Variants in GABRG3 observed in about 807,000 individuals in gnomAD.
GABRG3 encodes gamma-aminobutyric acid type A receptor subunit gamma3.
In GABRG3, 25 loss-of-function variants were observed where a neutral mutation model predicts 48.8. The observed-to-expected ratio is 0.51, with a 90% CI of 0.37 to 0.72. The LOEUF (loss-of-function observed/expected upper bound fraction) is 0.72, where lower values mean the gene tolerates loss of function less well. GABRG3 is among the 30% of genes least tolerant of loss of function. The pLI is 0.00. For missense variants in GABRG3, 394 were observed against 577.9 expected (o/e 0.68, Z 3.26); for synonymous variants, 227 against 217.6 (o/e 1.04, Z -0.38).
chr15:27,026,685 G>A, intron 2 of GABRG3, 69 bp from the exon 3 acceptor site: 1 of 1,101,658 alleles, frequency 9.1e-7, no homozygotes, highest in South Asian at 1.5e-5. Flanking sequence ...GAGACTTTAG[G>A]ACTTGAATGT....
intron 5 of GABRG3, among the ~76,000 whole-genome samples, chr15:27,420,907 G>A (rs1453665153): frequency 6.6e-6 from 1 of 152,210 alleles, no homozygotes; most frequent in Non-Finnish European, 1.5e-5. Flanking sequence ...TGTGCTCGGG[G>A]CTTGTGGATA....
At chr15:27,406,058 G>C (rs531401609) in intron 5 of GABRG3, among the ~76,000 whole-genome samples, 143 of 152,262 alleles carry the variant, frequency 9.4e-4, no homozygotes, top group African/African-American at 3.3e-3. Flanking sequence ...ATGAGAAGCT[G>C]AGGCAGGAGG....
At chr15:27,324,908 A>G (rs995808686) in intron 3 of GABRG3, among the ~76,000 whole-genome samples, 3 of 142,524 alleles carry the variant, frequency 2.1e-5, no homozygotes, top group African/African-American at 5.7e-5. Context: ...CTTGAGCCAT[A>G]TTTGCATAAT....
chr15:27,387,354 A>G (rs768291756), intron 5 of GABRG3, among the ~76,000 whole-genome samples: 1 of 152,128 alleles, frequency 6.6e-6, no homozygotes, highest in Non-Finnish European at 1.5e-5. Flanking sequence ...TTAGCAAGAA[A>G]TAAATGGGTT....
chr15:27,459,023 C>T (rs529982973), intron 5 of GABRG3, among the ~76,000 whole-genome samples: 14 of 152,188 alleles, frequency 9.2e-5, no homozygotes, highest in African/African-American at 1.4e-4. Flanking sequence ...GTCTTCTCTT[C>T]GATTCTTCCA....
At chr15:27,044,566 T>C (rs1395257197) in intron 3 of GABRG3, among the ~76,000 whole-genome samples, 1 of 152,226 alleles carries the variant, frequency 6.6e-6, no homozygotes, top group African/African-American at 2.4e-5. Flanking sequence ...AACCTTTTAA[T>C]ACATAATGAT....
chr15:27,203,258 C>T (rs932302570), intron 3 of GABRG3, among the ~76,000 whole-genome samples: 13 of 152,140 alleles, frequency 8.5e-5, no homozygotes, highest in African/African-American at 2.7e-4. Flanking sequence ...CATGTGTACT[C>T]GATGTTTAGC....
intron 3 of GABRG3, among the ~76,000 whole-genome samples, chr15:27,146,157 A>G (rs986973003): frequency 6.6e-6 from 1 of 152,138 alleles, no homozygotes; most frequent in Non-Finnish European, 1.5e-5. Flanking sequence ...ACTCAAATCT[A>G]CGTTAAGAAA....
At position 27,180,660 on chromosome 15, in the gene GABRG3, T is replaced by C. The variant is rs184269761; in HGVS notation, c.271-146149T>C. 1.0e-3 allele frequency among the ~76,000 whole-genome samples: 156 copies of C among 152,290 alleles called. No individual in the cohort carries two copies. Among genetic ancestry groups the C allele is most frequent in the African/African-American group, 3.2e-3 (134 of 41,568 alleles). On this transcript the variant is annotated intron_variant, in intron 3 of 9. Coordinates refer to ENST00000615808, the MANE Select transcript of GABRG3 (RefSeq NM_033223.5). This position sits in a 1 kb window ranked among gnomAD's most constrained non-coding sequence, Gnocchi z 4.2. ...GTGTGTGTCTGTCTGTGTGTGTTTG[T>C]GTGTGCACGCGCGCGCACCCCAGGT...
At chr15:27,164,205 G>C (rs1423640699) in intron 3 of GABRG3, among the ~76,000 whole-genome samples, 1 of 151,962 alleles carries the variant, frequency 6.6e-6, no homozygotes, top group Non-Finnish European at 1.5e-5. Flanking sequence ...CACATTTACT[G>C]TCTCTCCAAA....
rs146565488 is a variant in GABRG3 at position 27,121,435 on chromosome 15, A to G, written c.270+94614A>G. ...ATACCACCCTGGTTCCATCATGTCT[A>G]ATTTCCCTTTGAGCAGATGGCACCT... On this transcript the variant is annotated intron_variant, in intron 3 of 9. Coordinates refer to ENST00000615808, the MANE Select transcript of GABRG3 (RefSeq NM_033223.5). Among the ~76,000 whole-genome samples the G allele has an allele frequency of 3.0e-4, 45 of 152,310 alleles. No individual in the cohort carries two copies. In the East Asian group the frequency reaches 6.6e-3, roughly 22 times the overall value.
intron 3 of GABRG3, among the ~76,000 whole-genome samples, chr15:27,252,698 C>T (rs1890498254): frequency 6.6e-6 from 1 of 152,206 alleles, no homozygotes; most frequent in Non-Finnish European, 1.5e-5. Flanking sequence ...CACCTCCCAC[C>T]TGCAGGTCTG....
chr15:27,048,419 C>T (rs1463720852), intron 3 of GABRG3, among the ~76,000 whole-genome samples: 2 of 152,084 alleles, frequency 1.3e-5, no homozygotes, highest in Admixed American at 6.5e-5. Context: ...TTCATCTGGC[C>T]CCGGCAGCAG....
At chr15:27,020,456 G>A (rs971836730) in intron 2 of GABRG3, among the ~76,000 whole-genome samples, 4 of 152,194 alleles carry the variant, frequency 2.6e-5, no homozygotes, top group African/African-American at 9.7e-5. Flanking sequence ...CTTTCGCCCA[G>A]GCTGGAGTGC....
intron 3 of GABRG3, chr15:27,271,695 G>T (rs536579405): frequency 2.2e-6 from 1 of 448,842 alleles, no homozygotes; most frequent in Admixed American, 2.4e-5. Flanking sequence ...GTGTGTGGTG[G>T]CTGGCACAGC....
At chr15:27,110,264 G>T (rs1029499999) in intron 3 of GABRG3, among the ~76,000 whole-genome samples, 6 of 151,942 alleles carry the variant, frequency 3.9e-5, no homozygotes, top group Admixed American at 3.9e-4. Flanking sequence ...ACACTATTCT[G>T]CACCATGTAT....
chr15:27,539,827 C>A lies in GABRG3; in HGVS notation c.*6946C>A, dbSNP rs527761806. ...GGAAAAAAAGAAAAAATGTTGCATT[C>A]TTAAGCAATTAAAGACTCCTTCCAA... On this transcript the variant is annotated 3_prime_UTR_variant, in exon 10 of 10. Transcript: ENST00000615808. 1 of 152,262 alleles carries A rather than the reference C, an allele frequency of 6.6e-6. No individual in the cohort carries two copies. The highest frequency in any genetic ancestry group is 1.9e-4 in the East Asian group (1 of 5,164). The allele number at this position is 152,262 out of a possible 1,614,324, so 9.4% of individuals were successfully genotyped here.
In GABRG3 at chr15:27,254,763, T is replaced by TG. The variant is rs530462536; in HGVS notation, c.271-72039dup. Among the ~76,000 whole-genome samples, 550 of 152,114 alleles carry TG rather than the reference T, an allele frequency of 3.6e-3. 7 individuals are homozygous for TG. The highest frequency in any genetic ancestry group is 0.024 in the Middle Eastern group (7 of 294). On this transcript the variant is annotated intron_variant, in intron 3 of 9. Transcript: ENST00000615808. ...GGAGATAGATTTCAATGTATGAATT[T>TG]GGGGGGGACACAAACACCCAGGTCA...
chr15:27,099,945 G>T (rs778681017), intron 3 of GABRG3, among the ~76,000 whole-genome samples: 2 of 152,054 alleles, frequency 1.3e-5, no homozygotes, highest in East Asian at 3.9e-4. Flanking sequence ...GGCCGGGCAC[G>T]GTGGCTCACG....
Sources: allele counts gnomAD v4.1 joint callset (sites outside exome capture counted in the v4.1 genomes callset), GRCh38; gene constraint gnomAD v4.1.1; non-coding constraint Gnocchi (gnomAD v3.1); transcripts MANE v1.5; gene names NCBI Gene and HGNC (gene_info 2026-07-23, HGNC 2026-07-21).